SORD: variants seen among roughly 807,000 people sequenced by gnomAD.
SORD encodes the protein (R,R)-butanediol dehydrogenase.
Under a neutral mutation model 35.6 loss-of-function variants are expected in SORD, and 18 were observed. The observed-to-expected ratio is 0.51, with a 90% CI of 0.35 to 0.75. The LOEUF (loss-of-function observed/expected upper bound fraction) is 0.75. SORD is among the 30% of genes least tolerant of loss of function. The pLI is 0.01. For synonymous variants in SORD, 106 were observed against 152.9 expected (o/e 0.69, Z 2.26); for missense variants, 250 against 390.2 (o/e 0.64, Z 3.03).
chr15:45,039,784 CG>C (rs2141268871), intron 1 of SORD, among the ~76,000 whole-genome samples: 1 of 152,154 alleles, frequency 6.6e-6, no homozygotes, highest in Non-Finnish European at 1.5e-5. Context: ...ACCTGTCTAG[CG>C]GGAAACATCC....
intron 3 of SORD, among the ~76,000 whole-genome samples, chr15:45,050,062 T>C (rs769931873): frequency 1.3e-5 from 2 of 152,216 alleles, no homozygotes; most frequent in Non-Finnish European, 2.9e-5. Context: ...TGAAACTCTG[T>C]TTTGCGAGGA....
At chr15:45,065,055 T>G (rs531603114) in intron 4 of SORD, among the ~76,000 whole-genome samples, 1 of 152,300 alleles carries the variant, frequency 6.6e-6, no homozygotes, top group Admixed American at 6.5e-5. Context: ...TGTTTCCTCA[T>G]CTGTAAAATG....
At chr15:45,026,173 C>T (rs1362488691) in intron 1 of SORD, among the ~76,000 whole-genome samples, 1 of 152,172 alleles carries the variant, frequency 6.6e-6, no homozygotes, top group African/African-American at 2.4e-5. Context: ...AACCCAGACC[C>T]CGAGTGTGGT....
intron 3 of SORD, among the ~76,000 whole-genome samples, chr15:45,048,001 C>G (rs1378477477): frequency 2.6e-5 from 4 of 152,186 alleles, no homozygotes; most frequent in South Asian, 2.1e-4. Context: ...CTATTTTCTG[C>G]AAACATGGAG....
intron 3 of SORD, among the ~76,000 whole-genome samples, chr15:45,058,214 G>A (rs1471372054): frequency 3.3e-5 from 5 of 152,154 alleles, no homozygotes; most frequent in East Asian, 3.9e-4. Context: ...GAGTTAGTTC[G>A]GGGGCCTTCA....
At chr15:45,023,389 C>T (rs1293476602) in intron 1 of SORD, 40 bp downstream of exon 1, 4 of 1,488,558 alleles carry the variant, frequency 2.7e-6, no homozygotes, top group South Asian at 2.6e-5. Flanking sequence ...CCGATCCTGC[C>T]TCACTCTCCT....
chr15:45,040,830 T>G (rs1412433913), intron 2 of SORD, among the ~76,000 whole-genome samples: 3 of 152,152 alleles, frequency 2.0e-5, no homozygotes. Flanking sequence ...TAACCCAAAC[T>G]TTGAAAAGGA....
chr15:45,046,626 C>G (rs1893048825), intron 3 of SORD, among the ~76,000 whole-genome samples: 1 of 152,174 alleles, frequency 6.6e-6, no homozygotes, highest in Non-Finnish European at 1.5e-5. Flanking sequence ...GATTTAAAGT[C>G]TTTCATATGT....
chr15:45,036,279 T>C (rs1048039301), intron 1 of SORD: 2 of 454,900 alleles, frequency 4.4e-6, no homozygotes, highest in Admixed American at 4.7e-5. Flanking sequence ...GAGAGGAGTA[T>C]ATATGTGATT....
intron 1 of SORD, among the ~76,000 whole-genome samples, chr15:45,028,218 C>T (rs1892708975): frequency 6.6e-6 from 1 of 152,210 alleles, no homozygotes; most frequent in Admixed American, 6.5e-5. Context: ...ATCCCAGCTA[C>T]TCAGGAGGCT....
rs1484610300 is a variant in SORD at position 45,068,846 on chromosome 15, G to T, written c.611-31G>T. 63 of 1,353,466 alleles carry T rather than the reference G, an allele frequency of 4.7e-5. No homozygotes were observed. In the East Asian group the frequency reaches 6.0e-4, roughly 13 times the overall value. 83.8% of individuals were successfully genotyped at this position (1,353,466 alleles called of 1,614,324 possible). On this transcript the variant is annotated intron_variant, in intron 6 of 8. Coordinates refer to ENST00000267814, the MANE Select transcript of SORD (RefSeq NM_003104.6). ...GTCATCAGATTTCTCTTGTTTGAAAGAATTTTTTTTTTTTTTTTTTTTACC... is the reference window on the plus strand; with the variant it reads ...GTCATCAGATTTCTCTTGTTTGAAATAATTTTTTTTTTTTTTTTTTTTACC...
rs34181615 is a variant in SORD, at chr15:45,038,651, C to T, written c.67-1757C>T. Among the ~76,000 whole-genome samples the T allele has an allele frequency of 5.3e-5, 8 of 152,194 alleles. No homozygotes were observed. In the East Asian group the frequency reaches 7.7e-4, roughly 15 times the overall value. ...ACAAGCAGTGTACCTGATGCTAAAGCGATGGAAGGCATGGTCTTTGGCTTC... is the reference window on the plus strand; with the variant it reads ...ACAAGCAGTGTACCTGATGCTAAAGTGATGGAAGGCATGGTCTTTGGCTTC... On this transcript the variant is annotated intron_variant, in intron 1 of 8. Coordinates refer to ENST00000267814, the MANE Select transcript of SORD (RefSeq NM_003104.6).
At chr15:45,051,521 A>T (rs115521042) in intron 3 of SORD, among the ~76,000 whole-genome samples, 1 of 152,342 alleles carries the variant, frequency 6.6e-6, no homozygotes, top group African/African-American at 2.4e-5. Flanking sequence ...GATATTATGA[A>T]GTACAATTAC....
At chr15:45,063,289 C>T (rs1893352173) in intron 4 of SORD, among the ~76,000 whole-genome samples, 1 of 152,140 alleles carries the variant, frequency 6.6e-6, no homozygotes, top group Non-Finnish European at 1.5e-5. Flanking sequence ...TTCTCCTTGG[C>T]TTCTTGATCA....
At chr15:45,065,521 C>T in intron 5 of SORD, 132 bp downstream of exon 5, 2 of 1,417,124 alleles carry the variant, frequency 1.4e-6, no homozygotes, top group South Asian at 1.4e-5. Flanking sequence ...ATTGCAGTGT[C>T]CCATTCCCTC....
In SORD at chr15:45,044,823, G is replaced by A. The variant is rs112857125; in HGVS notation, c.265+1402G>A. On this transcript the variant is annotated intron_variant, in intron 3 of 8. Coordinates refer to ENST00000267814, the MANE Select transcript of SORD (RefSeq NM_003104.6). ...AGTGATTCCCGTGCCTCAGCCTCCC[G>A]AGTAGCTGGGATTACAGACATGCAG... 1.5e-3 allele frequency among the ~76,000 whole-genome samples: 234 copies of A among 151,058 alleles called. No homozygotes were observed. The East Asian group carries it at 0.018, about 11-fold the overall frequency.
chr15:45,067,664 A>G (rs1893428620), intron 5 of SORD, among the ~76,000 whole-genome samples: 1 of 152,200 alleles, frequency 6.6e-6, no homozygotes, highest in Non-Finnish European at 1.5e-5. Context: ...ATACCTGAGT[A>G]TCCTGGGGCT....
intron 3 of SORD, among the ~76,000 whole-genome samples, chr15:45,060,068 C>A (rs569149706): frequency 2.6e-5 from 4 of 152,164 alleles, no homozygotes; most frequent in Admixed American, 2.0e-4. Flanking sequence ...TAGGTGATAC[C>A]TTTAAAAAAG....
At chr15:45,071,341 T>G (rs1443262191) in intron 7 of SORD, among the ~76,000 whole-genome samples, 1 of 152,142 alleles carries the variant, frequency 6.6e-6, no homozygotes, top group Admixed American at 6.5e-5. Flanking sequence ...GTGCCACAGC[T>G]CTGAAGCAGC....
Sources: gnomAD v4.1 joint callset for allele counts (sites outside exome capture counted in the v4.1 genomes callset) on GRCh38, gnomAD v4.1.1 for gene constraint, MANE v1.5 for transcripts, NCBI Gene and HGNC (gene_info 2026-07-23, HGNC 2026-07-21) for gene names.